The following SCFD1 variants were observed in gnomAD, a reference collection of about 807,000 sequenced individuals.
SCFD1 encodes sec1 family domain containing 1.
Under a neutral mutation model 103.2 loss-of-function variants are expected in SCFD1, and 37 were observed. The observed-to-expected ratio is 0.36, with a 90% CI of 0.28 to 0.47. The LOEUF (loss-of-function observed/expected upper bound fraction) is 0.47, where lower values mean the gene tolerates loss of function less well. SCFD1 is among the 20% of genes least tolerant of loss of function. The pLI is 1.00. For synonymous variants in SCFD1, 264 were observed against 245.0 expected, an observed-to-expected ratio of 1.08 and a Z score of -0.73; for missense variants, 639 against 761.2, an observed-to-expected ratio of 0.84 and a Z score of 1.89.
intron 14 of SCFD1, among the ~76,000 whole-genome samples, chr14:30,681,234 A>AC (rs1335145578): frequency 2.0e-5 from 3 of 151,912 alleles, no homozygotes; most frequent in Admixed American, 2.0e-4. Context: ...AAAAAAAAAA[A>AC]AGCGCTCAAC....
In SCFD1 at chr14:30,719,475, T is replaced by C. The variant is rs1594760161; in HGVS notation, c.1736+98T>C. 2.5e-5 allele frequency: 20 copies of C among 799,770 alleles called. No individual in the cohort carries two copies. The Admixed American group carries it at 2.6e-4, about 10-fold the overall frequency. The allele number at this position is 799,770 out of a possible 1,614,324, so 49.5% of individuals were successfully genotyped here. A position where few individuals can be genotyped will look rare whatever the true frequency, so the allele number is the denominator to read the frequency against. On this transcript the variant is annotated intron_variant, in intron 21 of 24. Transcript: ENST00000458591. ...AGTACTGCTTATTAAAAATCCAAAC[T>C]ATATGGAAAACTCGTAAGGAAACAA...
intron 24 of SCFD1, chr14:30,735,064 C>T (rs1172475545): frequency 6.4e-6 from 3 of 467,238 alleles, no homozygotes; most frequent in Non-Finnish European, 1.1e-5. Flanking sequence ...CCCATCCTTC[C>T]AGAACTGAAA....
At position 30,690,553 on chromosome 14, in the gene SCFD1, G is replaced by A. The variant is rs912477347; in HGVS notation, c.1243-4220G>A. Among the ~76,000 whole-genome samples, 78 of 133,880 alleles carry A rather than the reference G, an allele frequency of 5.8e-4. 3 individuals are homozygous for A. The highest frequency in any genetic ancestry group is 2.4e-3 in the African/African-American group (73 of 30,406). The allele number at this position is 133,880 out of a possible 152,430, so 87.8% of individuals were successfully genotyped here. A position where few individuals can be genotyped will look rare whatever the true frequency, so the allele number is the denominator to read the frequency against. On this transcript the variant is annotated intron_variant, in intron 14 of 24. Coordinates refer to ENST00000458591, the MANE Select transcript of SCFD1 (RefSeq NM_016106.4). ...AGCCGGTCTGAAAAGCGCAATATTCGGGTGGAAGTGACCCGATTTTCCAGG... is the reference window on the plus strand; with the variant it reads ...AGCCGGTCTGAAAAGCGCAATATTCAGGTGGAAGTGACCCGATTTTCCAGG...
At chr14:30,670,926 T>A (rs962938809) in intron 11 of SCFD1, among the ~76,000 whole-genome samples, 2 of 152,132 alleles carry the variant, frequency 1.3e-5, no homozygotes, top group Non-Finnish European at 2.9e-5. Context: ...TATGCCCCCT[T>A]AAAGTTTAGG....
chr14:30,670,234 A>G, intron 10 of SCFD1, 22 bp from the exon 11 acceptor site: 4 of 1,554,786 alleles, frequency 2.6e-6, no homozygotes, highest in Non-Finnish European at 3.5e-6. Flanking sequence ...CAGTTGTTTA[A>G]CACAAGATTA....
In SCFD1 at chr14:30,712,618, T is replaced by G. The variant is rs556984972; in HGVS notation, c.1630-3306T>G. On this transcript the variant is annotated intron_variant, in intron 19 of 24. Transcript: ENST00000458591. Reference sequence around the variant, plus strand: ...GGTGACTAAAATCATAAAACACGACTAAAGTCATAAAATGAGTTAGGATTT... The same window carrying G: ...GGTGACTAAAATCATAAAACACGACGAAAGTCATAAAATGAGTTAGGATTT... Among the ~76,000 whole-genome samples, 7 of 152,302 alleles carry G rather than the reference T, an allele frequency of 4.6e-5. No homozygotes were observed. In the East Asian group the frequency reaches 1.2e-3, roughly 25 times the overall value.
chr14:30,734,097 A>C (rs56250330), intron 23 of SCFD1, among the ~76,000 whole-genome samples: 7,489 of 152,306 alleles, frequency 0.049, 600 homozygotes, highest in African/African-American at 0.17. Flanking sequence ...CAGCTTATAC[A>C]TCACAGAGTT....
chr14:30,633,336 G>A (rs759492301), intron 3 of SCFD1, among the ~76,000 whole-genome samples: 1 of 152,130 alleles, frequency 6.6e-6, no homozygotes, highest in Non-Finnish European at 1.5e-5. Flanking sequence ...TTCCTAAATT[G>A]TAAAAGGAGA....
At chr14:30,727,759 G>A (rs1434304307) in intron 23 of SCFD1, among the ~76,000 whole-genome samples, 1 of 151,936 alleles carries the variant, frequency 6.6e-6, no homozygotes, top group Admixed American at 6.6e-5. Flanking sequence ...CATCACATTC[G>A]GCAAGAGGAC....
upstream of SCFD1, chr14:30,622,318 C>T: frequency 6.3e-7 from 1 of 1,589,422 alleles, no homozygotes. Flanking sequence ...CCCAGCCGGG[C>T]AGTGGCTCGT....
chr14:30,718,286 C>A (rs1362047696), intron 20 of SCFD1, among the ~76,000 whole-genome samples: 1 of 152,212 alleles, frequency 6.6e-6, no homozygotes, highest in African/African-American at 2.4e-5. Context: ...TTCCAGCATA[C>A]ACATTCCTTC....
chr14:30,706,971 T>G (rs1891512812), intron 18 of SCFD1, among the ~76,000 whole-genome samples: 1 of 152,214 alleles, frequency 6.6e-6, no homozygotes, highest in African/African-American at 2.4e-5. Context: ...CCAGGGCCAT[T>G]CATTCCAACA....
intron 11 of SCFD1, among the ~76,000 whole-genome samples, 171 bp downstream of exon 11, chr14:30,670,566 CTGAT>C (rs1157883043): frequency 6.6e-6 from 1 of 152,048 alleles, no homozygotes; most frequent in African/African-American, 2.4e-5. Flanking sequence ...CCATTTCTCA[CTGAT>C]TCCTAAGTTG....
chr14:30,623,263 T>C (rs891610586), intron 1 of SCFD1, among the ~76,000 whole-genome samples: 12 of 152,252 alleles, frequency 7.9e-5, no homozygotes, highest in African/African-American at 2.9e-4. Flanking sequence ...CTTGGAATTC[T>C]GTTTCCTGAA....
chr14:30,698,993 A>G (rs751806890), intron 15 of SCFD1, among the ~76,000 whole-genome samples: 13 of 152,338 alleles, frequency 8.5e-5, no homozygotes, highest in Non-Finnish European at 1.5e-4. Context: ...TGAAAATAGA[A>G]TCGATGATGG....
intron 21 of SCFD1, among the ~76,000 whole-genome samples, chr14:30,721,464 C>A (rs1281109299): frequency 1.4e-5 from 2 of 142,622 alleles, no homozygotes; most frequent in South Asian, 5.1e-4. Context: ...TGTTATTCTT[C>A]CCATACATGT....
Position 30,719,311 on chromosome 14 carries a change from A to G in SCFD1, c.1684-14A>G, listed in dbSNP as rs763130179. 3.2e-6 allele frequency: 5 copies of G among 1,567,776 alleles called. No homozygotes were observed. Among genetic ancestry groups the G allele is most frequent in the South Asian group, 1.2e-5 (1 of 86,622 alleles). ...AATTCCACAGTCATGGTAAAGTTCTATTTTTTTTAATAGGAAACTGATGAC... is the reference window on the plus strand; with the variant it reads ...AATTCCACAGTCATGGTAAAGTTCTGTTTTTTTTAATAGGAAACTGATGAC... On this transcript the variant is annotated splice_polypyrimidine_tract_variant and intron_variant, in intron 20 of 24. Coordinates refer to ENST00000458591, the MANE Select transcript of SCFD1 (RefSeq NM_016106.4).
intron 10 of SCFD1, among the ~76,000 whole-genome samples, chr14:30,660,090 C>G (rs1036612749): frequency 3.3e-5 from 5 of 152,142 alleles, no homozygotes; most frequent in African/African-American, 1.2e-4. Flanking sequence ...AAAGATGCTT[C>G]TTTACAGTTG....
intron 1 of SCFD1, 94 bp downstream of exon 1, chr14:30,622,493 A>T: frequency 6.7e-7 from 1 of 1,493,940 alleles, no homozygotes; most frequent in Non-Finnish European, 9.0e-7. Flanking sequence ...GATCTCCAGG[A>T]GTTTAATCCA....
Sources: gnomAD v4.1 joint callset for allele counts (sites outside exome capture counted in the v4.1 genomes callset) on GRCh38, gnomAD v4.1.1 for gene constraint, MANE v1.5 for transcripts, NCBI Gene and HGNC (gene_info 2026-07-23, HGNC 2026-07-21) for gene names.